TENT2: variants seen among roughly 807,000 people sequenced by gnomAD.
TENT2 encodes poly(A) RNA polymerase GLD2.
TENT2 carries 44 observed loss-of-function variants against 72.2 expected under a neutral mutation model. That is an observed-to-expected ratio of 0.61 (90% confidence interval 0.48 to 0.78). The LOEUF (loss-of-function observed/expected upper bound fraction) is 0.78, where lower values mean the gene tolerates loss of function less well. TENT2 is among the 30% of genes least tolerant of loss of function. The pLI, the probability that TENT2 is intolerant of heterozygous loss-of-function variation, is 0.00. For missense variants in TENT2, 541 were observed against 569.6 expected, an observed-to-expected ratio of 0.95 and a Z score of 0.51; for synonymous variants, 212 against 192.5, an observed-to-expected ratio of 1.10 and a Z score of -0.84.
At chr5:79,654,380 T>G (rs1255463496) in intron 10 of TENT2, among the ~76,000 whole-genome samples, 1 of 151,540 alleles carries the variant, frequency 6.6e-6, no homozygotes, top group Non-Finnish European at 1.5e-5. Flanking sequence ...GCAGTGAGCC[T>G]AGATTGTGCC....
intron 12 of TENT2, among the ~76,000 whole-genome samples, chr5:79,669,294 A>T (rs1274361242): frequency 6.6e-6 from 1 of 152,160 alleles, no homozygotes; most frequent in African/African-American, 2.4e-5. Context: ...GTTGATTTCA[A>T]TAGTGGTAGG....
chr5:79,645,364 T>C (rs936618641), intron 8 of TENT2, among the ~76,000 whole-genome samples, 172 bp downstream of exon 8: 2 of 152,186 alleles, frequency 1.3e-5, no homozygotes, highest in East Asian at 1.9e-4. Context: ...AGCAATACTT[T>C]ATGCTTAACT....
At position 79,616,916 on chromosome 5, in the gene TENT2, A is replaced by G. The variant is rs76595120; in HGVS notation, c.-37-2696A>G. On this transcript the variant is annotated intron_variant, in intron 1 of 14. Transcript: ENST00000453514. ...GAACCCTGGACTGGTGAGCCTTGTT[A>G]TCTGTGGCCAACCTAGGGAATTTTA... 2.8e-3 allele frequency among the ~76,000 whole-genome samples: 425 copies of G among 152,272 alleles called. 4 individuals are homozygous for G. The highest frequency in any genetic ancestry group is 9.7e-3 in the African/African-American group (404 of 41,534).
intron 3 of TENT2, among the ~76,000 whole-genome samples, chr5:79,621,757 C>CAAAAAAAAAAAAA (rs397998298): frequency 1.2e-5 from 1 of 83,310 alleles, no homozygotes; most frequent in African/African-American, 5.1e-5. Context: ...GACTCTATCT[C>CAAAAAAAAAAAAA]AAAAAAAAAA....
chr5:79,623,053 T>C (rs192464358), intron 3 of TENT2, among the ~76,000 whole-genome samples, 199 bp from the exon 4 acceptor site: 9 of 139,984 alleles, frequency 6.4e-5, no homozygotes, highest in Admixed American at 2.1e-4. Flanking sequence ...CCATTATTAC[T>C]ATTTTTTTTA....
At chr5:79,625,053 C>G (rs879423402) in intron 4 of TENT2, among the ~76,000 whole-genome samples, 1 of 152,194 alleles carries the variant, frequency 6.6e-6, no homozygotes, top group Non-Finnish European at 1.5e-5. Context: ...TTTGAACTTG[C>G]AAAACTTGTT....
intron 3 of TENT2, chr5:79,620,677 C>T (rs1191379175): frequency 3.9e-5 from 6 of 152,182 alleles, no homozygotes; most frequent in African/African-American, 1.4e-4. Flanking sequence ...ATCTTAAAGA[C>T]CCCACTTTAA....
intron 8 of TENT2, among the ~76,000 whole-genome samples, chr5:79,647,736 G>A (rs1033305016): frequency 4.6e-5 from 7 of 152,076 alleles, no homozygotes; most frequent in African/African-American, 9.7e-5. Context: ...TTGGGATCTC[G>A]CATAGGTATG....
intron 4 of TENT2, among the ~76,000 whole-genome samples, chr5:79,627,378 C>G (rs1373101501): frequency 1.3e-5 from 2 of 152,126 alleles, no homozygotes; most frequent in African/African-American, 4.8e-5. Flanking sequence ...AAGTACAGTT[C>G]TGTATCGATA....
At chr5:79,648,089 A>G (rs111740821) in intron 8 of TENT2, among the ~76,000 whole-genome samples, 1 of 152,142 alleles carries the variant, frequency 6.6e-6, no homozygotes, top group African/African-American at 2.4e-5. Context: ...ACTTAATGGG[A>G]TAACTTGCTC....
Position 79,653,253 on chromosome 5 carries a change from G to A in TENT2, c.1028-3705G>A, listed in dbSNP as rs369407953. Among the ~76,000 whole-genome samples the A allele has an allele frequency of 2.5e-4, 38 of 152,288 alleles. 1 individual carries two copies. The highest frequency in any genetic ancestry group is 8.7e-4 in the African/African-American group (36 of 41,572). On this transcript the variant is annotated intron_variant, in intron 10 of 14. Coordinates refer to ENST00000453514, the MANE Select transcript of TENT2 (RefSeq NM_001114394.3). ...AATCCCAAGTGCTTTGGGAGGCAGAGGTGGGAGGATTGCTTGAGGCCAGGA... is the reference window on the plus strand; with the variant it reads ...AATCCCAAGTGCTTTGGGAGGCAGAAGTGGGAGGATTGCTTGAGGCCAGGA...
At position 79,678,906 on chromosome 5, in the gene TENT2, T is replaced by G. The variant is rs1283221700; in HGVS notation, c.1209-673T>G. On this transcript the variant is annotated intron_variant, in intron 12 of 14. Coordinates refer to ENST00000453514, the MANE Select transcript of TENT2 (RefSeq NM_001114394.3). ...TTTACTTGTACTTTCTTTTCTTTTC[T>G]TTTCTTTTTTCTTTTTTTGAGATGG... Among the ~76,000 whole-genome samples the G allele has an allele frequency of 2.0e-5, 3 of 151,948 alleles. No homozygotes were observed. The East Asian group carries it at 5.8e-4, about 29-fold the overall frequency.
intron 4 of TENT2, among the ~76,000 whole-genome samples, chr5:79,638,093 C>T (rs553161522): frequency 5.9e-5 from 9 of 152,200 alleles, no homozygotes; most frequent in South Asian, 2.1e-4. Context: ...CCACCACGCC[C>T]AGCCTTCTTC....
At position 79,648,898 on chromosome 5, in the gene TENT2, G is replaced by A. The variant is rs375295885; in HGVS notation, c.899-164G>A. The A allele has an allele frequency of 1.7e-5, 15 of 890,820 alleles. No individual in the cohort carries two copies. The African/African-American group carries it at 1.9e-4, about 11-fold the overall frequency. The allele number at this position is 890,820 out of a possible 1,614,324, so 55.2% of individuals were successfully genotyped here. On this transcript the variant is annotated intron_variant, in intron 9 of 14. Coordinates refer to ENST00000453514, the MANE Select transcript of TENT2 (RefSeq NM_001114394.3). ...TTTAATAATTGATAATTTTTAAAAGGTAACTAAGGTAAGTTTTAGACATAA... is the reference window on the plus strand; with the variant it reads ...TTTAATAATTGATAATTTTTAAAAGATAACTAAGGTAAGTTTTAGACATAA...
rs571946439 is a variant in TENT2, at chr5:79,659,953, C to T, written c.1071+2952C>T. ...TAAGTTTAAGATAAGTTAACAACAA[C>T]GAAAAAACAACTTTGTTACTTTACA... is the stretch of plus-strand genomic sequence containing the variant. On this transcript the variant is annotated intron_variant, in intron 11 of 14. Transcript: ENST00000453514. Among the ~76,000 whole-genome samples, 10 of 151,638 alleles carry T rather than the reference C, an allele frequency of 6.6e-5. No individual in the cohort carries two copies. The South Asian group carries it at 2.1e-3, about 32-fold the overall frequency.
At chr5:79,658,746 A>G (rs1266877167) in intron 11 of TENT2, among the ~76,000 whole-genome samples, 1 of 152,200 alleles carries the variant, frequency 6.6e-6, no homozygotes, top group Non-Finnish European at 1.5e-5. Flanking sequence ...TTTTACTAAT[A>G]TAGGAGACTG....
At chr5:79,637,488 G>A (rs1327652174) in intron 4 of TENT2, among the ~76,000 whole-genome samples, 2 of 152,062 alleles carry the variant, frequency 1.3e-5, no homozygotes, top group Non-Finnish European at 1.5e-5. Flanking sequence ...GTACAGTGGT[G>A]TGATCATGGC....
intron 11 of TENT2, among the ~76,000 whole-genome samples, chr5:79,663,395 G>A (rs529653614): frequency 5.8e-4 from 88 of 152,294 alleles, no homozygotes; most frequent in African/African-American, 2.1e-3. Context: ...TTTTCAACAT[G>A]ACTTCTTCAC....
chr5:79,621,540 C>T (rs548815511), intron 3 of TENT2, among the ~76,000 whole-genome samples: 4 of 151,708 alleles, frequency 2.6e-5, no homozygotes, highest in South Asian at 2.1e-4. Context: ...AGGCAGATCA[C>T]GAGGTCAGGA....
Sources: allele counts gnomAD v4.1 joint callset (sites outside exome capture counted in the v4.1 genomes callset), GRCh38; gene constraint gnomAD v4.1.1; transcripts MANE v1.5; gene names NCBI Gene and HGNC (gene_info 2026-07-23, HGNC 2026-07-21).